The following TAFA2 variants were observed in gnomAD, a reference collection of about 807,000 sequenced individuals.
TAFA2 encodes the protein TAFA chemokine like family member 2.
Under a neutral mutation model 18.8 loss-of-function variants are expected in TAFA2, and 7 were observed. That is an observed-to-expected ratio of 0.37 (90% CI 0.21 to 0.70). TAFA2 has a LOEUF of 0.70. Among genes scored for constraint, TAFA2 ranks in the 30% least tolerant of loss-of-function variants. TAFA2 has a pLI of 0.53. For missense variants in TAFA2, 122 were observed against 158.1 expected (o/e 0.77, Z 1.23); for synonymous variants, 60 against 54.2 (o/e 1.11, Z -0.47).
chr12:62,127,616 C>A (rs1028161211), intron 1 of TAFA2, among the ~76,000 whole-genome samples: 3 of 151,944 alleles, frequency 2.0e-5, no homozygotes, highest in Non-Finnish European at 4.4e-5. Flanking sequence ...GTACTTTGAA[C>A]TTCACGGTAG....
intron 1 of TAFA2, among the ~76,000 whole-genome samples, chr12:62,024,941 G>C (rs1012641093): frequency 6.6e-6 from 1 of 151,998 alleles, no homozygotes; most frequent in African/African-American, 2.4e-5. Context: ...ATGACTATTA[G>C]AAAGTCAAGA....
chr12:61,899,089 A>T (rs893896780), intron 1 of TAFA2, among the ~76,000 whole-genome samples: 3 of 152,142 alleles, frequency 2.0e-5, no homozygotes, highest in African/African-American at 7.2e-5. Flanking sequence ...TCTCCATCTG[A>T]GACCACCTTA....
chr12:62,007,367 AGTGATTTT>A (rs1445932744), intron 1 of TAFA2, among the ~76,000 whole-genome samples: 1 of 152,186 alleles, frequency 6.6e-6, no homozygotes, highest in Non-Finnish European at 1.5e-5. Context: ...TTACTATCAA[AGTGATTTT>A]GTTTTATTTA....
At chr12:62,226,142 G>A (rs1456344126) in intron 1 of TAFA2, among the ~76,000 whole-genome samples, 1 of 151,522 alleles carries the variant, frequency 6.6e-6, no homozygotes, top group East Asian at 1.9e-4. Context: ...TTGCTTAAAT[G>A]CTGTTGTGTT....
chr12:61,728,388 T>A (rs1417898996), intron 4 of TAFA2, among the ~76,000 whole-genome samples: 1 of 152,086 alleles, frequency 6.6e-6, no homozygotes, highest in Non-Finnish European at 1.5e-5. Flanking sequence ...AGTAATTGTT[T>A]AATAAATTTG....
chr12:61,821,908 A>C (rs962205825), intron 2 of TAFA2, among the ~76,000 whole-genome samples: 10 of 152,082 alleles, frequency 6.6e-5, no homozygotes, highest in African/African-American at 2.4e-4. Context: ...GAGTTTTACA[A>C]TCTACTTCTG....
chr12:62,163,493 G>A (rs1324385941), intron 1 of TAFA2, among the ~76,000 whole-genome samples: 2 of 152,194 alleles, frequency 1.3e-5, no homozygotes, highest in East Asian at 3.9e-4. Flanking sequence ...TAACTTTTGG[G>A]CCAGAAGCAA....
intron 1 of TAFA2, among the ~76,000 whole-genome samples, chr12:62,071,719 C>T (rs1328406048): frequency 2.6e-5 from 4 of 152,116 alleles, no homozygotes; most frequent in African/African-American, 7.2e-5. Flanking sequence ...TTTGAGATAG[C>T]TTTTGAATAT....
chr12:62,224,414 T>C (rs982893043), intron 1 of TAFA2, among the ~76,000 whole-genome samples: 5 of 152,078 alleles, frequency 3.3e-5, no homozygotes, highest in Non-Finnish European at 7.4e-5. Flanking sequence ...GAGTGCCCAC[T>C]TTCTGCTTCA....
intron 1 of TAFA2, among the ~76,000 whole-genome samples, chr12:61,988,873 C>T (rs572209191): frequency 6.6e-6 from 1 of 152,192 alleles, no homozygotes; most frequent in African/African-American, 2.4e-5. Flanking sequence ...TAAAGATTAT[C>T]TTTTGACACT....
chr12:62,241,916 T>TA (rs1157236914), intron 1 of TAFA2, among the ~76,000 whole-genome samples: 17 of 152,156 alleles, frequency 1.1e-4, no homozygotes, highest in South Asian at 4.1e-4. Flanking sequence ...TTAAGTGAGG[T>TA]AAAAAAAGGA....
At chr12:61,883,078 G>A (rs1217868664) in intron 1 of TAFA2, among the ~76,000 whole-genome samples, 2 of 152,124 alleles carry the variant, frequency 1.3e-5, no homozygotes, top group Non-Finnish European at 2.9e-5. Context: ...CAATATAGCT[G>A]TGAAAATGAC....
intron 4 of TAFA2, among the ~76,000 whole-genome samples, chr12:61,743,180 C>T (rs931166697): frequency 6.6e-6 from 1 of 152,008 alleles, no homozygotes. Flanking sequence ...AAGATATGAT[C>T]TTCTATTCCG....
chr12:61,929,800 A>G lies in TAFA2; in HGVS notation c.-1-62374T>C, dbSNP rs1193458019. On this transcript the variant is annotated intron_variant, in intron 1 of 4. Coordinates refer to ENST00000416284, the MANE Select transcript of TAFA2 (RefSeq NM_178539.5). ...CCTGGATTAAGAAAATGTGGCACAT[A>G]TACACCATGGAATACTATGCAGCCA... is the stretch of plus-strand genomic sequence containing the variant. Among the ~76,000 whole-genome samples, 3 of 152,228 alleles carry G rather than the reference A, an allele frequency of 2.0e-5. No individual in the cohort carries two copies. The East Asian group carries it at 5.8e-4, about 29-fold the overall frequency.
intron 1 of TAFA2, among the ~76,000 whole-genome samples, chr12:62,181,382 G>T (rs1468723782): frequency 6.6e-6 from 1 of 152,050 alleles, no homozygotes; most frequent in Admixed American, 6.6e-5. Flanking sequence ...GATATACATG[G>T]GTCTGCCTCA....
At chr12:61,738,854 G>A (rs1359369651) in intron 4 of TAFA2, among the ~76,000 whole-genome samples, 1 of 152,066 alleles carries the variant, frequency 6.6e-6, no homozygotes, top group Non-Finnish European at 1.5e-5. Context: ...AATAGAGATA[G>A]TAGAGGAAGT....
chr12:61,760,070 C>G (rs976502970), intron 2 of TAFA2, among the ~76,000 whole-genome samples: 11 of 91,164 alleles, frequency 1.2e-4, no homozygotes, highest in Middle Eastern at 5.5e-3. Context: ...CTTTCCTGCC[C>G]AGTGCTTTTT....
intron 2 of TAFA2, among the ~76,000 whole-genome samples, chr12:61,837,780 A>G (rs553593838): frequency 6.6e-6 from 1 of 152,094 alleles, no homozygotes; most frequent in South Asian, 2.1e-4. Flanking sequence ...ATGGCGAACA[A>G]ATTATACCAA....
intron 2 of TAFA2, among the ~76,000 whole-genome samples, chr12:61,861,794 G>A (rs192624329): frequency 1.8e-4 from 28 of 152,042 alleles, no homozygotes; most frequent in Middle Eastern, 3.4e-3. Context: ...ACTGTACACC[G>A]TAAATAAGTA....
Sources: allele counts gnomAD v4.1 joint callset (sites outside exome capture counted in the v4.1 genomes callset), GRCh38; gene constraint gnomAD v4.1.1; transcripts MANE v1.5; gene names NCBI Gene and HGNC (gene_info 2026-07-23, HGNC 2026-07-21).